The following FYB1 variants were observed in gnomAD, a reference collection of about 807,000 sequenced individuals.
FYB1 encodes the protein FYN binding protein 1.
FYB1 carries 41 observed loss-of-function variants against 94.1 expected under a neutral mutation model. The observed-to-expected ratio is 0.44, with a 90% CI of 0.34 to 0.57. FYB1 has a LOEUF of 0.57. Ranked by LOEUF, FYB1 falls within the 20% of genes least tolerant of loss-of-function variation. The pLI, the probability that FYB1 is intolerant of heterozygous loss-of-function variation, is 0.02. For synonymous variants in FYB1, 367 were observed against 353.2 expected, an observed-to-expected ratio of 1.04 and a Z score of -0.44; for missense variants, 1,050 against 976.8, an observed-to-expected ratio of 1.07 and a Z score of -1.00.
At chr5:39,215,541 C>A (rs554359615) in intron 1 of FYB1, among the ~76,000 whole-genome samples, 6 of 152,306 alleles carry the variant, frequency 3.9e-5, no homozygotes, top group African/African-American at 1.4e-4. Context: ...GGAGACTCAC[C>A]AGCCCAGCCA....
rs1561176115 is a variant in FYB1, at chr5:39,148,380, G to GTTTTTT, written c.1292+5067_1292+5068insAAAAAA. Reference sequence around the variant, plus strand: ...TGCATTTAGCTTTTAATTATCAGCAGGTTTTTTTTTTTTTTTTTTTTTTTT... The same window carrying GTTTTTT: ...TGCATTTAGCTTTTAATTATCAGCAGTTTTTTGTTTTTTTTTTTTTTTTTTTTTTTT... On this transcript the variant is annotated intron_variant, in intron 3 of 18. Coordinates refer to ENST00000512982, the MANE Select transcript of FYB1 (RefSeq NM_001465.6). Among the ~76,000 whole-genome samples the GTTTTTT allele has an allele frequency of 1.8e-4, 12 of 66,484 alleles. No individual in the cohort carries two copies. The South Asian group carries it at 2.3e-3, about 13-fold the overall frequency. 43.6% of individuals were successfully genotyped at this position (66,484 alleles called of 152,430 possible). A position where few individuals can be genotyped will look rare whatever the true frequency, so the allele number is the denominator to read the frequency against.
intron 1 of FYB1, among the ~76,000 whole-genome samples, chr5:39,271,922 A>G (rs1330207369): frequency 3.3e-5 from 5 of 152,222 alleles, no homozygotes; most frequent in South Asian, 2.1e-4. Context: ...ACTTTTAAGT[A>G]TAACACATTT....
chr5:39,145,132 C>G (rs886132459), intron 3 of FYB1, among the ~76,000 whole-genome samples: 1 of 152,108 alleles, frequency 6.6e-6, no homozygotes, highest in Non-Finnish European at 1.5e-5. Context: ...GCTCGTTATA[C>G]TATTCTTCCT....
chr5:39,138,414 T>C (rs1225281713), intron 6 of FYB1: 1 of 350,300 alleles, frequency 2.9e-6, no homozygotes, highest in Non-Finnish European at 5.2e-6. Context: ...TCCCTGACTG[T>C]GGTTTATCTC....
intron 1 of FYB1, among the ~76,000 whole-genome samples, chr5:39,209,528 G>A (rs1407825834): frequency 1.3e-5 from 2 of 152,122 alleles, no homozygotes; most frequent in Non-Finnish European, 2.9e-5. Flanking sequence ...GTCTCACCAT[G>A]TTGGCCAGGC....
chr5:39,140,576 G>A (rs549367486), intron 4 of FYB1, among the ~76,000 whole-genome samples: 1 of 152,258 alleles, frequency 6.6e-6, no homozygotes, highest in Admixed American at 6.5e-5. Context: ...TTCCACTTCA[G>A]GGTATATATC....
At chr5:39,266,216 T>C (rs185681843) in intron 1 of FYB1, among the ~76,000 whole-genome samples, 51 of 152,332 alleles carry the variant, frequency 3.3e-4, no homozygotes, top group Non-Finnish European at 6.3e-4. Context: ...AGTAGAATTC[T>C]ACTGCCTCTT....
intron 1 of FYB1, chr5:39,250,622 G>A (rs1457198790): frequency 6.6e-6 from 1 of 152,042 alleles, no homozygotes; most frequent in Admixed American, 6.5e-5. Context: ...GTGTTAAATG[G>A]CAGGATTACT....
At chr5:39,141,066 A>C (rs773900540) in intron 4 of FYB1, 29 bp downstream of exon 4, 2 of 1,492,946 alleles carry the variant, frequency 1.3e-6, no homozygotes, top group East Asian at 4.8e-5. Context: ...TTTACAAATA[A>C]ATAAATAAAA....
intron 3 of FYB1, among the ~76,000 whole-genome samples, chr5:39,149,524 C>T (rs1743061513): frequency 6.6e-6 from 1 of 152,218 alleles, no homozygotes; most frequent in South Asian, 2.1e-4. Flanking sequence ...CTCTTGATCT[C>T]ATTTCTCCCA....
chr5:39,170,290 A>C, intron 2 of FYB1: 1 of 1,386,648 alleles, frequency 7.2e-7, no homozygotes. Context: ...AACTCAGTTT[A>C]AAAGATCTTC....
intron 2 of FYB1, among the ~76,000 whole-genome samples, chr5:39,157,195 C>G (rs546835940): frequency 6.6e-5 from 10 of 152,128 alleles, no homozygotes; most frequent in Admixed American, 1.3e-4. Context: ...TTTATGATGT[C>G]TATGCACTTT....
chr5:39,108,155 C>G lies in FYB1; in HGVS notation c.2467+76G>C, dbSNP rs1580278625. ...ATCAGATTGGAAGTCTCTAATCCAA[C>G]AAGCTATTTTTAGCATTTATAAAAA... On this transcript the variant is annotated intron_variant, in intron 18 of 18. Transcript: ENST00000512982. The G allele has an allele frequency of 2.2e-6, 3 of 1,337,028 alleles. No individual in the cohort carries two copies. In the East Asian group the frequency reaches 7.7e-5, roughly 34 times the overall value. The allele number at this position is 1,337,028 out of a possible 1,614,324, so 82.8% of individuals were successfully genotyped here. A position where few individuals can be genotyped will look rare whatever the true frequency, so the allele number is the denominator to read the frequency against.
intron 3 of FYB1, 123 bp from the exon 4 acceptor site, chr5:39,141,264 G>A: frequency 1.4e-6 from 1 of 705,792 alleles, no homozygotes; most frequent in Non-Finnish European, 2.4e-6. Context: ...CTGATTTAAA[G>A]CTTCAGACAT....
chr5:39,217,388 C>T (rs1749947934), intron 1 of FYB1, among the ~76,000 whole-genome samples: 1 of 152,192 alleles, frequency 6.6e-6, no homozygotes, highest in African/African-American at 2.4e-5. Flanking sequence ...ATCTGGGTCT[C>T]TCCCTTGCTC....
chr5:39,207,343 C>A (rs1220861577), intron 1 of FYB1, among the ~76,000 whole-genome samples: 1 of 152,128 alleles, frequency 6.6e-6, no homozygotes, highest in African/African-American at 2.4e-5. Context: ...TTTCCTTTAG[C>A]CCCCATATAT....
chr5:39,204,869 T>C (rs1748704168), intron 1 of FYB1, among the ~76,000 whole-genome samples: 1 of 152,162 alleles, frequency 6.6e-6, no homozygotes, highest in Non-Finnish European at 1.5e-5. Flanking sequence ...TTTACCTCCC[T>C]TATCTGAGTT....
intron 1 of FYB1, among the ~76,000 whole-genome samples, chr5:39,208,472 T>C (rs771116408): frequency 6.6e-6 from 1 of 152,220 alleles, no homozygotes; most frequent in South Asian, 2.1e-4. Context: ...TTATTGTTAG[T>C]TATGTTGAGA....
At chr5:39,220,108 G>A (rs1481203648), upstream of FYB1, among the ~76,000 whole-genome samples, 1 of 152,092 alleles carries the variant, frequency 6.6e-6, no homozygotes, top group Non-Finnish European at 1.5e-5. Context: ...GATAATCCAT[G>A]TGAAAAGACC....
Sources: gnomAD v4.1 joint callset for allele counts (sites outside exome capture counted in the v4.1 genomes callset) on GRCh38, gnomAD v4.1.1 for gene constraint, MANE v1.5 for transcripts, NCBI Gene and HGNC (gene_info 2026-07-23, HGNC 2026-07-21) for gene names.